The following LIN9 variants were observed in gnomAD, a reference collection of about 807,000 sequenced individuals.
The protein encoded by LIN9 is lin-9 DREAM MuvB core complex component.
LIN9 carries 18 observed loss-of-function variants against 78.0 expected under a neutral mutation model. The ratio of observed to expected loss-of-function variants is 0.23; its 90% CI spans 0.16 to 0.34. The LOEUF (loss-of-function observed/expected upper bound fraction) is 0.34, where lower values mean the gene tolerates loss of function less well. Ranked by LOEUF, LIN9 falls within the 10% of genes least tolerant of loss-of-function variation. LIN9 has a pLI of 1.00. For synonymous variants in LIN9, 192 were observed against 215.2 expected (o/e 0.89, Z 0.94); for missense variants, 451 against 644.1 (o/e 0.70, Z 3.25).
chr1:226,275,667 T>TG (rs1258130596), intron 7 of LIN9, among the ~76,000 whole-genome samples: 14 of 117,638 alleles, frequency 1.2e-4, no homozygotes, highest in East Asian at 7.4e-4. Flanking sequence ...CACTCCAGCC[T>TG]GGCAACAGAG....
At chr1:226,259,428 A>T (rs1659418786) in intron 10 of LIN9, among the ~76,000 whole-genome samples, 1 of 152,164 alleles carries the variant, frequency 6.6e-6, no homozygotes, top group Non-Finnish European at 1.5e-5. Flanking sequence ...CATAAACTCA[A>T]CAATACCATC....
At chr1:226,252,314 AAATAAATG>A (rs1281114997) in intron 10 of LIN9, among the ~76,000 whole-genome samples, 38 of 147,192 alleles carry the variant, frequency 2.6e-4, no homozygotes, top group Admixed American at 3.4e-4. Flanking sequence ...ATAAATAAAT[AAATAAATG>A]AATGAATGAA....
intron 1 of LIN9, among the ~76,000 whole-genome samples, chr1:226,302,810 T>C (rs914657036): frequency 2.6e-5 from 4 of 152,220 alleles, no homozygotes; most frequent in African/African-American, 9.6e-5. Flanking sequence ...AGACTTAAAA[T>C]GAGAAGCAAC....
intron 2 of LIN9, among the ~76,000 whole-genome samples, chr1:226,300,238 A>AT (rs1346430966): frequency 6.6e-6 from 1 of 151,932 alleles, no homozygotes; most frequent in African/African-American, 2.4e-5. Flanking sequence ...GTGCCCAGTG[A>AT]AAGCAAGACT....
Position 226,265,779 on chromosome 1 carries a change from A to G in LIN9, c.937-145T>C. The G allele has an allele frequency of 6.0e-6, 3 of 504,088 alleles. No individual in the cohort carries two copies. The South Asian group carries it at 6.6e-5, about 11-fold the overall frequency. The allele number at this position is 504,088 out of a possible 1,614,324, so 31.2% of individuals were successfully genotyped here. A position where few individuals can be genotyped will look rare whatever the true frequency, so the allele number is the denominator to read the frequency against. On this transcript the variant is annotated intron_variant, in intron 9 of 14. Transcript: ENST00000681046. The surrounding 1 kb of genome is among the most constrained non-coding windows in gnomAD (Gnocchi z 4.1). ...CTGCAATCTCTGACTCCTGGGTTCA[A>G]GCGATTCTCCTGCCTCAGCCTCCCG...
intron 13 of LIN9, 24 bp downstream of exon 13, chr1:226,233,320 G>C (rs556057834): frequency 6.3e-7 from 1 of 1,584,848 alleles, no homozygotes; most frequent in African/African-American, 1.4e-5. Context: ...GTCAAATTAA[G>C]AAAATATTTT....
chr1:226,256,768 C>T (rs1659225526), intron 10 of LIN9, among the ~76,000 whole-genome samples: 1 of 151,764 alleles, frequency 6.6e-6, no homozygotes, highest in Admixed American at 6.6e-5. Flanking sequence ...CCATGTTAGT[C>T]AGGATGGTCT....
intron 7 of LIN9, among the ~76,000 whole-genome samples, chr1:226,273,906 C>T (rs1024221591): frequency 3.3e-5 from 5 of 150,554 alleles, no homozygotes; most frequent in Admixed American, 2.0e-4. Context: ...GGCGCAATCT[C>T]GGCTCACTGC....
intron 10 of LIN9, among the ~76,000 whole-genome samples, chr1:226,256,794 G>A (rs1218472400): frequency 6.6e-6 from 1 of 151,696 alleles, no homozygotes; most frequent in Non-Finnish European, 1.5e-5. Flanking sequence ...TCCTGACCTC[G>A]TGATCTGCCC....
At position 226,265,655 on chromosome 1, in the gene LIN9, T is replaced by C. The variant is rs757530523; in HGVS notation, c.937-21A>G. ...TTATCCTATGGGAATAAAAAGGAATTATTTAATCATTGACTATTCAGAGGA... is the reference window on the plus strand; with the variant it reads ...TTATCCTATGGGAATAAAAAGGAATCATTTAATCATTGACTATTCAGAGGA... On this transcript the variant is annotated intron_variant, in intron 9 of 14. Coordinates refer to ENST00000681046, the MANE Select transcript of LIN9 (RefSeq NM_001366245.2). This position sits in a 1 kb window ranked among gnomAD's most constrained non-coding sequence, Gnocchi z 4.1. 1.6e-6 allele frequency: 2 copies of C among 1,253,096 alleles called. No homozygotes were observed. Among genetic ancestry groups the C allele is most frequent in the Non-Finnish European group, 2.3e-6 (2 of 859,108 alleles). The allele number at this position is 1,253,096 out of a possible 1,614,324, so 77.6% of individuals were successfully genotyped here.
intron 11 of LIN9, among the ~76,000 whole-genome samples, chr1:226,249,032 A>G (rs1414169402): frequency 2.0e-5 from 3 of 152,224 alleles, no homozygotes; most frequent in Non-Finnish European, 2.9e-5. Flanking sequence ...ATAGGTCTCT[A>G]TTTGAAAGCA....
At chr1:226,294,982 G>T (rs955669999) in intron 4 of LIN9, among the ~76,000 whole-genome samples, 4 of 151,796 alleles carry the variant, frequency 2.6e-5, no homozygotes, top group African/African-American at 9.7e-5. Flanking sequence ...TGTATGTTTA[G>T]TAGAGACAGG....
chr1:226,278,421 C>T (rs1660804941), intron 6 of LIN9, among the ~76,000 whole-genome samples: 1 of 150,934 alleles, frequency 6.6e-6, no homozygotes, highest in Non-Finnish European at 1.5e-5. Context: ...AAGAGTGAGA[C>T]TCCATCTTAA....
intron 11 of LIN9, among the ~76,000 whole-genome samples, chr1:226,243,353 C>T (rs1241716060): frequency 6.6e-6 from 1 of 152,126 alleles, no homozygotes; most frequent in Admixed American, 6.5e-5. Context: ...TTTACTGATA[C>T]TATACAGTGA....
chr1:226,276,920 A>G (rs1487623496), intron 7 of LIN9, among the ~76,000 whole-genome samples: 2 of 152,222 alleles, frequency 1.3e-5, no homozygotes, highest in African/African-American at 2.4e-5. Flanking sequence ...AGTTTTATTC[A>G]ATCATTAGAA....
intron 1 of LIN9, among the ~76,000 whole-genome samples, chr1:226,308,176 CAT>C (rs1663041740): frequency 6.6e-6 from 1 of 152,076 alleles, no homozygotes; most frequent in Admixed American, 6.5e-5. Context: ...AATTAAATAA[CAT>C]ATTTGTCTTT....
At chr1:226,275,693 G>GAAAAAAA (rs1272770989) in intron 7 of LIN9, among the ~76,000 whole-genome samples, 43 of 128,742 alleles carry the variant, frequency 3.3e-4, no homozygotes, top group Non-Finnish European at 5.1e-4. Context: ...CTCCGTCTCA[G>GAAAAAAA]AAAAAAAAAA....
intron 11 of LIN9, among the ~76,000 whole-genome samples, chr1:226,239,645 A>T (rs1231618001): frequency 6.6e-6 from 1 of 152,226 alleles, no homozygotes; most frequent in Non-Finnish European, 1.5e-5. Context: ...AATGGGGATT[A>T]TAAGAATATC....
chr1:226,249,431 T>C (rs1658688757), intron 11 of LIN9, among the ~76,000 whole-genome samples: 1 of 152,244 alleles, frequency 6.6e-6, no homozygotes, highest in Non-Finnish European at 1.5e-5. Context: ...TTTTAATACC[T>C]GTACTGCTAA....
Sources: gnomAD v4.1 joint callset for allele counts (sites outside exome capture counted in the v4.1 genomes callset) on GRCh38, gnomAD v4.1.1 for gene constraint, Gnocchi (gnomAD v3.1) non-coding constraint, MANE v1.5 for transcripts, NCBI Gene and HGNC (gene_info 2026-07-23, HGNC 2026-07-21) for gene names.